Variants in MORN5 observed in about 807,000 individuals in gnomAD.
MORN5 encodes MORN repeat-containing protein 5.
In MORN5, 21 loss-of-function variants were observed where a neutral mutation model predicts 22.1. The observed-to-expected ratio is 0.95, with a 90% confidence interval of 0.67 to 1.37. The LOEUF (loss-of-function observed/expected upper bound fraction) is 1.37, where lower values mean the gene tolerates loss of function less well. Ranked by LOEUF, MORN5 falls within the 40% of genes most tolerant of loss-of-function variation. The pLI is 0.00. For synonymous variants in MORN5, 73 were observed against 74.0 expected (o/e 0.99, Z 0.07); for missense variants, 211 against 215.1 (o/e 0.98, Z 0.12).
At chr9:122,164,071 T>G (rs996085460) in intron 1 of MORN5, among the ~76,000 whole-genome samples, 69 of 152,236 alleles carry the variant, frequency 4.5e-4, no homozygotes, top group African/African-American at 1.6e-3. Flanking sequence ...ATTTGAGATC[T>G]GGTAATCATA....
At chr9:122,160,083 T>C (rs1829168156) in intron 1 of MORN5, 64 bp downstream of exon 1, 1 of 1,491,414 alleles carries the variant, frequency 6.7e-7, no homozygotes. Context: ...AAGACGGCTT[T>C]TTGCTTCTGC....
At position 122,174,545 on chromosome 9, in the gene MORN5, C is replaced by T. The variant is rs113917145; in HGVS notation, c.357C>T (p.Gly119=). Reference sequence around the variant, plus strand: ...ACCCACCTAGAAAAATCCCCAAGGGCTATTACGATTGTGGAGACGGCTTCT... The same window carrying T: ...ACCCACCTAGAAAAATCCCCAAGGGTTATTACGATTGTGGAGACGGCTTCT... ...NMDPPRKIPK[G]YYDCGDGFYN... The change falls in exon 4 of 5, where the codon GGC becomes GGT. Residue 119 remains glycine (G), a synonymous_variant. Transcript: ENST00000373764. 2.5e-6 allele frequency: 4 copies of T among 1,614,074 alleles called. No individual in the cohort carries two copies. Among genetic ancestry groups the T allele is most frequent in the African/African-American group, 2.7e-5 (2 of 75,030 alleles).
At chr9:122,188,872 C>G (rs1403126453) in intron 4 of MORN5, among the ~76,000 whole-genome samples, 1 of 152,136 alleles carries the variant, frequency 6.6e-6, no homozygotes, top group East Asian at 1.9e-4. Flanking sequence ...GTCCGGGGAG[C>G]ACCTTGCTAC....
intron 4 of MORN5, among the ~76,000 whole-genome samples, chr9:122,187,616 A>G (rs1024629620): frequency 9.2e-5 from 14 of 152,228 alleles, no homozygotes; most frequent in Non-Finnish European, 1.5e-4. Flanking sequence ...CCCTTTAGGG[A>G]GCCTAAATGT....
rs781097919 is a variant in MORN5, at chr9:122,174,563, C to T, written c.375C>T (p.Asp125=). The T allele has an allele frequency of 8.7e-6, 14 of 1,613,950 alleles. No homozygotes were observed. The highest frequency in any genetic ancestry group is 4.4e-5 in the South Asian group (4 of 91,058). Reference sequence around the variant, plus strand: ...CCAAGGGCTATTACGATTGTGGAGACGGCTTCTATAACCCAGTCACGAGGG... The same window carrying T: ...CCAAGGGCTATTACGATTGTGGAGATGGCTTCTATAACCCAGTCACGAGGG... ...KIPKGYYDCG[D]GFYNPVTRVV... The change falls in exon 4 of 5, where the codon GAC becomes GAT. Residue 125 remains aspartate (D), a synonymous_variant. Transcript: ENST00000373764.
intron 4 of MORN5, among the ~76,000 whole-genome samples, chr9:122,176,681 C>T (rs367938085): frequency 2.4e-4 from 37 of 151,958 alleles, no homozygotes; most frequent in African/African-American, 7.7e-4. Flanking sequence ...AGTTCGAGAC[C>T]GCCTGGCCAA....
intron 4 of MORN5, among the ~76,000 whole-genome samples, chr9:122,184,040 A>G (rs374405307): frequency 1.3e-5 from 2 of 152,236 alleles, no homozygotes; most frequent in South Asian, 2.1e-4. Context: ...TGCCACCACC[A>G]GAATCATGAG....
In MORN5 at chr9:122,192,469, A is replaced by T. The variant is rs947979703; in HGVS notation, c.440-7416A>T. 3.9e-5 allele frequency among the ~76,000 whole-genome samples: 6 copies of T among 152,344 alleles called. No individual in the cohort carries two copies. The South Asian group carries it at 1.2e-3, about 32-fold the overall frequency. ...CATGCCACACTGCCCCCTCCCTGCG[A>T]ATCCTCTGAAGAGCTGATATTTCCT... On this transcript the variant is annotated intron_variant, in intron 4 of 4. Coordinates refer to ENST00000373764, the MANE Select transcript of MORN5 (RefSeq NM_198469.4).
At chr9:122,196,665 T>C (rs1432639314) in intron 4 of MORN5, among the ~76,000 whole-genome samples, 1 of 152,180 alleles carries the variant, frequency 6.6e-6, no homozygotes, top group Admixed American at 6.5e-5. Context: ...TTTTCTATTG[T>C]CAATACCCAT....
chr9:122,160,025 G>A lies in MORN5; in HGVS notation c.47+6G>A, dbSNP rs373473868. On this transcript the variant is annotated splice_donor_region_variant and intron_variant, in intron 1 of 4. Transcript: ENST00000373764. ...GGGGAATATGTAGATGGGAGGTAAG[G>A]GGCTCATTTGATTCACTTACTATAC... 37 of 1,612,012 alleles carry A rather than the reference G, an allele frequency of 2.3e-5. No homozygotes were observed. In the African/African-American group the frequency reaches 3.6e-4, roughly 16 times the overall value.
At chr9:122,168,189 A>C (rs1829315148) in intron 2 of MORN5, among the ~76,000 whole-genome samples, 1 of 152,154 alleles carries the variant, frequency 6.6e-6, no homozygotes, top group South Asian at 2.1e-4. Flanking sequence ...AAGGCACCTC[A>C]ATATATATAT....
intron 4 of MORN5, among the ~76,000 whole-genome samples, chr9:122,176,408 C>T (rs1829452561): frequency 1.3e-5 from 2 of 152,218 alleles, no homozygotes. Flanking sequence ...GGCTTATTTA[C>T]TGCAGAACTC....
chr9:122,187,873 A>G (rs1249177975), intron 4 of MORN5, among the ~76,000 whole-genome samples: 3 of 152,234 alleles, frequency 2.0e-5, no homozygotes, highest in East Asian at 3.8e-4. Context: ...CAAGCTATCC[A>G]GATGATGTCC....
chr9:122,165,395 CAAAAA>C lies in MORN5; in HGVS notation c.48-1352_48-1348del, dbSNP rs59306308. ...GCAACATAGGGAAACCCCGTCTCTA[CAAAAA>C]AAAAAAAAAAAAAAAAAAAATTAAA... On this transcript the variant is annotated intron_variant, in intron 1 of 4. Transcript: ENST00000373764. Among the ~76,000 whole-genome samples, 650 of 82,934 alleles carry C rather than the reference CAAAAA, an allele frequency of 7.8e-3. 1 individual carries two copies. Among genetic ancestry groups the C allele is most frequent in the Admixed American group, 0.015 (105 of 6,936 alleles). The allele number at this position is 82,934 out of a possible 152,430, so 54.4% of individuals were successfully genotyped here. A position where few individuals can be genotyped will look rare whatever the true frequency, so the allele number is the denominator to read the frequency against.
intron 4 of MORN5, among the ~76,000 whole-genome samples, chr9:122,187,427 GC>G (rs1829660901): frequency 2.6e-5 from 4 of 152,262 alleles, no homozygotes; most frequent in African/African-American, 9.6e-5. Context: ...AGAGCCTTAG[GC>G]CCCCTAAGCT....
chr9:122,175,925 T>C (rs965036719), intron 4 of MORN5, among the ~76,000 whole-genome samples: 27 of 151,686 alleles, frequency 1.8e-4, no homozygotes, highest in South Asian at 8.4e-4. Context: ...CCATCCTGGT[T>C]AACACGGTGA....
chr9:122,177,310 TTGTC>T (rs1829467079), intron 4 of MORN5, among the ~76,000 whole-genome samples: 1 of 152,250 alleles, frequency 6.6e-6, no homozygotes, highest in Non-Finnish European at 1.5e-5. Context: ...GGGCGTATCT[TTGTC>T]TGCCTGACAG....
intron 1 of MORN5, among the ~76,000 whole-genome samples, chr9:122,164,910 T>G (rs1172872045): frequency 1.3e-5 from 2 of 152,258 alleles, no homozygotes; most frequent in Non-Finnish European, 2.9e-5. Flanking sequence ...CTCTGTTCAC[T>G]GACTACTCTT....
At chr9:122,198,337 G>A (rs572489777) in intron 4 of MORN5, among the ~76,000 whole-genome samples, 4 of 152,302 alleles carry the variant, frequency 2.6e-5, no homozygotes, top group East Asian at 1.9e-4. Flanking sequence ...CTCAGGGAGT[G>A]CCCTTGTTCC....
Sources: gnomAD v4.1 joint callset for allele counts (sites outside exome capture counted in the v4.1 genomes callset) on GRCh38, gnomAD v4.1.1 for gene constraint, MANE v1.5 for transcripts, NCBI Gene and HGNC (gene_info 2026-07-23, HGNC 2026-07-21) for gene names.